Variants in LARS1 observed in about 807,000 individuals in gnomAD.
LARS1 encodes leucine--tRNA ligase, cytoplasmic.
Under a neutral mutation model 162.8 loss-of-function variants are expected in LARS1, and 100 were observed. The ratio of observed to expected loss-of-function variants is 0.61; its 90% CI spans 0.52 to 0.73. LARS1 has a LOEUF of 0.73. Ranked by LOEUF, LARS1 falls within the 30% of genes least tolerant of loss-of-function variation. LARS1 has a pLI of 0.00. For missense variants in LARS1, 1,258 were observed against 1,408.9 expected (o/e 0.89, Z 1.71); for synonymous variants, 457 against 462.8 (o/e 0.99, Z 0.16).
intron 2 of LARS1, among the ~76,000 whole-genome samples, chr5:146,175,435 G>A (rs188659500): frequency 1.3e-5 from 2 of 151,326 alleles, no homozygotes; most frequent in Middle Eastern, 3.4e-3. Flanking sequence ...CCCAGCTACT[G>A]GGGAGGCTGA....
intron 15 of LARS1, among the ~76,000 whole-genome samples, chr5:146,147,677 T>G (rs937295182): frequency 6.6e-6 from 1 of 151,984 alleles, no homozygotes; most frequent in Non-Finnish European, 1.5e-5. Flanking sequence ...CCAACAGGAC[T>G]GCCAGGATCT....
chr5:146,138,861 C>A, intron 21 of LARS1: 1 of 258,980 alleles, frequency 3.9e-6, no homozygotes. Context: ...CTCCTGGAGG[C>A]AAACCAAACA....
chr5:146,162,749 C>T (rs1429642381), intron 6 of LARS1, among the ~76,000 whole-genome samples: 3 of 152,212 alleles, frequency 2.0e-5, no homozygotes, highest in Non-Finnish European at 2.9e-5. Context: ...TGTTGTTTAG[C>T]GTAGCCACTT....
intron 6 of LARS1, 83 bp downstream of exon 6, chr5:146,164,227 G>C: frequency 7.5e-7 from 1 of 1,337,662 alleles, no homozygotes; most frequent in South Asian, 1.3e-5. Context: ...AAAAATCCAT[G>C]TCTGGAAAGC....
intron 3 of LARS1, 72 bp downstream of exon 3, chr5:146,172,615 C>G: frequency 3.9e-6 from 3 of 768,090 alleles, no homozygotes; most frequent in Non-Finnish European, 6.1e-6. Context: ...AATTCTATAG[C>G]TGCCATTTTC....
intron 6 of LARS1, among the ~76,000 whole-genome samples, chr5:146,161,376 A>G (rs1376920587): frequency 6.6e-6 from 1 of 152,172 alleles, no homozygotes; most frequent in Non-Finnish European, 1.5e-5. Flanking sequence ...CCTTTCACAA[A>G]GATTTCTCTG....
chr5:146,164,938 A>C (rs1753936350), intron 5 of LARS1, among the ~76,000 whole-genome samples: 1 of 152,210 alleles, frequency 6.6e-6, no homozygotes, highest in Non-Finnish European at 1.5e-5. Context: ...ATAATGAGGC[A>C]GCATAAGAAA....
intron 29 of LARS1, among the ~76,000 whole-genome samples, chr5:146,123,355 T>C (rs1174830117): frequency 2.0e-5 from 3 of 151,810 alleles, no homozygotes; most frequent in Non-Finnish European, 4.4e-5. Flanking sequence ...AAGTTGTGAG[T>C]GGGGCACAAA....
chr5:146,114,121 G>A lies in LARS1; in HGVS notation c.3516C>T (p.Ile1172=). The A allele has an allele frequency of 6.2e-7, 1 of 1,612,690 alleles. No homozygotes were observed. Among genetic ancestry groups the A allele is most frequent in the Non-Finnish European group, 8.5e-7 (1 of 1,179,168 alleles). The change falls in exon 32 of 32, where the codon ATC becomes ATT. Residue 1172 remains isoleucine (I), a synonymous_variant. Coordinates refer to ENST00000394434, the MANE Select transcript of LARS1 (RefSeq NM_020117.11). The part of the protein sequence containing the change: ...GIRVDIGDTI[I]YLVH ...GTGCATGAGTTTAATGAACCAGATA[G>A]ATTATTGTATCGCCAATATCCACCC...
intron 2 of LARS1, among the ~76,000 whole-genome samples, chr5:146,176,611 T>C (rs1754592798): frequency 6.6e-6 from 1 of 152,198 alleles, no homozygotes; most frequent in Non-Finnish European, 1.5e-5. Flanking sequence ...AAAAAGCACA[T>C]TTTCTTACAT....
intron 3 of LARS1, among the ~76,000 whole-genome samples, chr5:146,172,291 G>A (rs1159829357): frequency 6.6e-6 from 1 of 152,166 alleles, no homozygotes; most frequent in African/African-American, 2.4e-5. Flanking sequence ...GCCGAGGCTG[G>A]TGGATCACAA....
At chr5:146,158,915 TG>T (rs1753648717) in intron 8 of LARS1, among the ~76,000 whole-genome samples, 1 of 151,936 alleles carries the variant, frequency 6.6e-6, no homozygotes. Flanking sequence ...GCTAACACGG[TG>T]AAACCCCGTC....
intron 14 of LARS1, 50 bp from the exon 15 acceptor site, chr5:146,149,749 G>T: frequency 7.5e-7 from 1 of 1,331,034 alleles, no homozygotes; most frequent in Non-Finnish European, 1.1e-6. Flanking sequence ...GTTAGAATCT[G>T]CCTTGAGTTT....
intron 10 of LARS1, among the ~76,000 whole-genome samples, chr5:146,155,784 G>C (rs13153675): frequency 0.22 from 33,912 of 152,174 alleles, 4,846 homozygotes; most frequent in Admixed American, 0.34. Flanking sequence ...AGGGAGAAAA[G>C]TTGCATTAAG....
chr5:146,132,816 AGAAAAGAAAAG>A, intron 23 of LARS1, 71 bp downstream of exon 23: 1 of 580,828 alleles, frequency 1.7e-6, no homozygotes, highest in Non-Finnish European at 2.7e-6. Flanking sequence ...AAAAAAAAAA[AGAAAAGAAAAG>A]AAAAAGAAAA....
At position 146,127,390 on chromosome 5, in the gene LARS1, C is replaced by T. The variant is rs147670034; in HGVS notation, c.2881-845G>A. On this transcript the variant is annotated intron_variant, in intron 27 of 31. Transcript: ENST00000394434. ...GTGCCACATTCAACATAAGAACACT[C>T]TTCGTGATTATAAATGAACATTCTT... 6.9e-4 allele frequency among the ~76,000 whole-genome samples: 105 copies of T among 152,178 alleles called. 1 individual carries two copies. Among genetic ancestry groups the T allele is most frequent in the African/African-American group, 2.5e-3 (105 of 41,540 alleles).
chr5:146,115,581 CAAAAAAAAAAAAAAAAAA>C (rs58644900), intron 31 of LARS1, among the ~76,000 whole-genome samples: 1 of 20,584 alleles, frequency 4.9e-5, no homozygotes, highest in Non-Finnish European at 1.1e-4. Context: ...AGCGCCTGAC[CAAAAAAAAAAAAAAAAAA>C]AAAAAAAAAA....
At chr5:146,144,957 G>C (rs577546830) in intron 15 of LARS1, among the ~76,000 whole-genome samples, 11 of 152,026 alleles carry the variant, frequency 7.2e-5, no homozygotes, top group African/African-American at 2.7e-4. Flanking sequence ...TTTCATTTCA[G>C]TGAAAATTAA....
chr5:146,134,863 C>T (rs62373774), intron 22 of LARS1, among the ~76,000 whole-genome samples: 33,723 of 151,994 alleles, frequency 0.22, 4,757 homozygotes, highest in Admixed American at 0.33. Context: ...GCACAAGAAT[C>T]GCTTGAACCC....
Sources: allele counts gnomAD v4.1 joint callset (sites outside exome capture counted in the v4.1 genomes callset), GRCh38; gene constraint gnomAD v4.1.1; transcripts MANE v1.5; gene names NCBI Gene and HGNC (gene_info 2026-07-23, HGNC 2026-07-21).